Variants in LUZP2 observed in about 807,000 individuals in gnomAD.
The protein encoded by LUZP2 is leucine zipper protein 2.
Under a neutral mutation model 51.6 loss-of-function variants are expected in LUZP2, and 52 were observed. That is an observed-to-expected ratio of 1.01 (90% CI 0.81 to 1.27). The LOEUF (loss-of-function observed/expected upper bound fraction) is 1.27, where lower values mean the gene tolerates loss of function less well. Ranked by LOEUF, LUZP2 falls within the 50% of genes most tolerant of loss-of-function variation. The pLI is 0.00. For synonymous variants in LUZP2, 154 were observed against 137.3 expected, an observed-to-expected ratio of 1.12 and a Z score of -0.85; for missense variants, 436 against 395.4, an observed-to-expected ratio of 1.10 and a Z score of -0.87.
At chr11:24,525,975 T>C (rs1386703492) in intron 1 of LUZP2, among the ~76,000 whole-genome samples, 2 of 151,436 alleles carry the variant, frequency 1.3e-5, no homozygotes, top group African/African-American at 4.8e-5. Flanking sequence ...ATTCTTCTTA[T>C]AATCCATGAT....
chr11:24,517,604 A>T (rs1474248677), intron 1 of LUZP2, among the ~76,000 whole-genome samples: 1 of 151,754 alleles, frequency 6.6e-6, no homozygotes, highest in Admixed American at 6.6e-5. Flanking sequence ...GACTCCAAAA[A>T]CATTAATCAC....
At chr11:24,703,708 A>G (rs532157867) in intron 1 of LUZP2, among the ~76,000 whole-genome samples, 1 of 152,186 alleles carries the variant, frequency 6.6e-6, no homozygotes, top group East Asian at 1.9e-4. Context: ...ATGTGCCTGT[A>G]ATCCCACCTA....
chr11:25,051,502 T>G (rs2134024286), intron 10 of LUZP2, among the ~76,000 whole-genome samples: 1 of 152,288 alleles, frequency 6.6e-6, no homozygotes, highest in South Asian at 2.1e-4. Context: ...GGAAGATTTT[T>G]ACTATAGTTT....
intron 1 of LUZP2, among the ~76,000 whole-genome samples, chr11:24,574,805 T>A (rs1274195333): frequency 6.6e-6 from 1 of 152,130 alleles, no homozygotes; most frequent in Non-Finnish European, 1.5e-5. Context: ...GCTTCCAAAT[T>A]ATTTGGTAAA....
intron 1 of LUZP2, among the ~76,000 whole-genome samples, chr11:24,727,062 G>C (rs1457277840): frequency 6.6e-6 from 1 of 151,850 alleles, no homozygotes; most frequent in South Asian, 2.1e-4. Context: ...ATTTAAATTG[G>C]TTCTGTTTTC....
chr11:24,826,190 A>AAAAAATATATATATAT lies in LUZP2; in HGVS notation c.396+62883_396+62884insAAAATATATATATATA, dbSNP rs1215786412. On this transcript the variant is annotated intron_variant, in intron 5 of 11. Coordinates refer to ENST00000336930, the MANE Select transcript of LUZP2 (RefSeq NM_001009909.4). ...GACTCCATCTCAAAAAAAAAAAAAAAATATATATATATATATATAGTAAAA... is the reference window on the plus strand; with the variant it reads ...GACTCCATCTCAAAAAAAAAAAAAAAAAAAATATATATATATATATATATATATATATATAGTAAAA... 4.9e-3 allele frequency among the ~76,000 whole-genome samples: 330 copies of AAAAAATATATATATAT among 67,470 alleles called. 5 individuals are homozygous for AAAAAATATATATATAT. The highest frequency in any genetic ancestry group is 9.5e-3 in the Admixed American group (40 of 4,230). The allele number at this position is 67,470 out of a possible 152,430, so 44.3% of individuals were successfully genotyped here.
intron 5 of LUZP2, among the ~76,000 whole-genome samples, chr11:24,875,165 A>G (rs527352763): frequency 6.6e-6 from 1 of 151,268 alleles, no homozygotes; most frequent in African/African-American, 2.4e-5. Context: ...GGTTAGTTAC[A>G]TATGTATACA....
chr11:24,714,839 C>A (rs1857976198), intron 1 of LUZP2, among the ~76,000 whole-genome samples: 1 of 152,056 alleles, frequency 6.6e-6, no homozygotes, highest in Admixed American at 6.6e-5. Flanking sequence ...CTGTGCACAG[C>A]CCTGATGAAG....
chr11:24,921,043 T>A (rs189670813), intron 7 of LUZP2, among the ~76,000 whole-genome samples: 34 of 152,206 alleles, frequency 2.2e-4, no homozygotes, highest in African/African-American at 6.0e-4. Flanking sequence ...TTACATTGTA[T>A]TAGGTATTAA....
chr11:24,578,349 A>G (rs1366002642), intron 1 of LUZP2, among the ~76,000 whole-genome samples: 3 of 152,112 alleles, frequency 2.0e-5, no homozygotes, highest in African/African-American at 7.2e-5. Context: ...ATTTGCCACT[A>G]GCAACAGTAT....
chr11:24,686,892 A>G (rs1414185691), intron 1 of LUZP2, among the ~76,000 whole-genome samples: 1 of 152,142 alleles, frequency 6.6e-6, no homozygotes, highest in Admixed American at 6.6e-5. Flanking sequence ...GTTAACATTG[A>G]AAATTTATAT....
chr11:24,697,587 G>A (rs71474716), intron 1 of LUZP2, among the ~76,000 whole-genome samples: 6,251 of 152,250 alleles, frequency 0.041, 149 homozygotes, highest in African/African-American at 0.06. Flanking sequence ...AAGCAAGGGC[G>A]ATAATAGCTC....
chr11:24,866,992 TCCCAGGA>T (rs1167218445), intron 5 of LUZP2, among the ~76,000 whole-genome samples: 1 of 152,064 alleles, frequency 6.6e-6, no homozygotes, highest in Non-Finnish European at 1.5e-5. Flanking sequence ...AAAAGCTGTT[TCCCAGGA>T]AAGCAGGACA....
chr11:24,722,971 A>T (rs376188353), intron 1 of LUZP2, among the ~76,000 whole-genome samples: 1 of 152,044 alleles, frequency 6.6e-6, no homozygotes. Context: ...ATAGGAAATT[A>T]TTTTAATACT....
intron 5 of LUZP2, among the ~76,000 whole-genome samples, chr11:24,770,393 A>G (rs1380318025): frequency 6.6e-6 from 1 of 152,186 alleles, no homozygotes; most frequent in Non-Finnish European, 1.5e-5. Context: ...CAGCTACTCT[A>G]TCTCAGTGGC....
chr11:24,761,095 A>G (rs917735912), intron 4 of LUZP2, among the ~76,000 whole-genome samples: 21 of 152,128 alleles, frequency 1.4e-4, no homozygotes, highest in African/African-American at 4.8e-4. Flanking sequence ...CTGTGTATTA[A>G]TCTGTTCTTG....
intron 9 of LUZP2, among the ~76,000 whole-genome samples, chr11:25,002,134 C>T (rs1327957642): frequency 6.6e-6 from 1 of 152,186 alleles, no homozygotes; most frequent in African/African-American, 2.4e-5. Context: ...TTCTTTTCCC[C>T]TTTCCCAATT....
At chr11:24,703,202 C>A (rs1857467827) in intron 1 of LUZP2, among the ~76,000 whole-genome samples, 2 of 152,148 alleles carry the variant, frequency 1.3e-5, no homozygotes, top group South Asian at 4.2e-4. Flanking sequence ...AGGAAGATTC[C>A]TCCTACTGAC....
intron 9 of LUZP2, among the ~76,000 whole-genome samples, chr11:25,048,812 TTTTA>T (rs1292079638): frequency 2.0e-5 from 3 of 151,518 alleles, no homozygotes; most frequent in Admixed American, 1.3e-4. Context: ...TGTATTTACT[TTTTA>T]TTTATTTATT....
Sources: allele counts gnomAD v4.1 joint callset (sites outside exome capture counted in the v4.1 genomes callset), GRCh38; gene constraint gnomAD v4.1.1; transcripts MANE v1.5; gene names NCBI Gene and HGNC (gene_info 2026-07-23, HGNC 2026-07-21).